KIAA1217: variants seen among roughly 807,000 people sequenced by gnomAD.
KIAA1217 encodes the protein sickle tail protein homolog.
A neutral mutation model predicts 163.9 loss-of-function variants in KIAA1217; 88 were observed. The observed-to-expected ratio is 0.54, with a 90% CI of 0.45 to 0.64. The LOEUF is 0.64. KIAA1217 is among the 30% of genes least tolerant of loss of function. KIAA1217 has a pLI of 0.00. For missense variants in KIAA1217, 2,372 were observed against 2,475.0 expected (o/e 0.96, Z 0.88); for synonymous variants, 903 against 923.1 (o/e 0.98, Z 0.39).
At chr10:24,353,016 T>A (rs1238178302) in intron 2 of KIAA1217, among the ~76,000 whole-genome samples, 3 of 151,864 alleles carry the variant, frequency 2.0e-5, no homozygotes, top group Admixed American at 6.6e-5. Context: ...AACGCTAGAA[T>A]GACCCCACAT....
chr10:23,912,721 A>G (rs80280670), intron 1 of KIAA1217, among the ~76,000 whole-genome samples: 8,251 of 152,226 alleles, frequency 0.054, 312 homozygotes, highest in Middle Eastern at 0.099. Flanking sequence ...TGTGTGTTTC[A>G]AAGGTAAAAT....
intron 2 of KIAA1217, among the ~76,000 whole-genome samples, chr10:24,058,941 T>G (rs2060621789): frequency 6.6e-6 from 1 of 152,182 alleles, no homozygotes; most frequent in African/African-American, 2.4e-5. Context: ...GTAAGAGTGA[T>G]CATTCTTGTC....
chr10:24,355,437 A>C (rs916347908), intron 2 of KIAA1217, among the ~76,000 whole-genome samples: 1 of 152,020 alleles, frequency 6.6e-6, no homozygotes, highest in Non-Finnish European at 1.5e-5. Context: ...TAGTTGGTAG[A>C]CCTCTGTCTT....
At chr10:24,251,196 A>T (rs1198603358) in intron 2 of KIAA1217, among the ~76,000 whole-genome samples, 1 of 152,096 alleles carries the variant, frequency 6.6e-6, no homozygotes, top group Non-Finnish European at 1.5e-5. Context: ...ACTGCACTCC[A>T]GCCTGGGCGA....
At chr10:24,478,452 G>A (rs1448825399) in intron 6 of KIAA1217, among the ~76,000 whole-genome samples, 1 of 152,156 alleles carries the variant, frequency 6.6e-6, no homozygotes, top group Non-Finnish European at 1.5e-5. Context: ...AGTGTCTATG[G>A]TATAACATTC....
At chr10:23,914,224 C>T (rs968873627) in intron 1 of KIAA1217, among the ~76,000 whole-genome samples, 22 of 152,308 alleles carry the variant, frequency 1.4e-4, no homozygotes, top group African/African-American at 4.6e-4. Context: ...AGGCAGAGTG[C>T]AGCTTACAAA....
intron 1 of KIAA1217, among the ~76,000 whole-genome samples, chr10:23,801,980 T>G (rs968065424): frequency 6.6e-6 from 1 of 152,208 alleles, no homozygotes; most frequent in Non-Finnish European, 1.5e-5. Flanking sequence ...AAAGTCCTTC[T>G]TCTAAATAGA....
intron 1 of KIAA1217, among the ~76,000 whole-genome samples, chr10:23,921,125 T>C (rs1465425343): frequency 6.6e-6 from 1 of 152,226 alleles, no homozygotes; most frequent in Non-Finnish European, 1.5e-5. Context: ...ACACAGCTTA[T>C]ATTAAACTTT....
intron 2 of KIAA1217, among the ~76,000 whole-genome samples, chr10:24,299,803 G>A (rs7350447): frequency 0.39 from 59,458 of 151,978 alleles, 13,095 homozygotes; most frequent in Middle Eastern, 0.56. Context: ...TGTGTCCTCT[G>A]TGGGTTCAGC....
intron 2 of KIAA1217, among the ~76,000 whole-genome samples, chr10:24,363,576 T>G (rs953540985): frequency 6.6e-6 from 1 of 151,212 alleles, no homozygotes; most frequent in Non-Finnish European, 1.5e-5. Flanking sequence ...TGTTTTTTTT[T>G]TTTTTTGAAA....
chr10:24,209,607 A>G (rs1327168856), intron 1 of KIAA1217, among the ~76,000 whole-genome samples: 1 of 152,166 alleles, frequency 6.6e-6, no homozygotes, highest in Non-Finnish European at 1.5e-5. Context: ...GCCACGGGAG[A>G]AAGGAGCTGT....
chr10:24,312,710 G>T (rs537056605), intron 2 of KIAA1217, among the ~76,000 whole-genome samples: 71 of 152,208 alleles, frequency 4.7e-4, no homozygotes, highest in African/African-American at 1.6e-3. Flanking sequence ...GAGTCCAGGA[G>T]TTCGAGACCA....
At chr10:23,796,119 T>C (rs2130944711) in intron 1 of KIAA1217, among the ~76,000 whole-genome samples, 1 of 152,270 alleles carries the variant, frequency 6.6e-6, no homozygotes, top group Middle Eastern at 3.4e-3. Flanking sequence ...TAAAGTGATC[T>C]CTGTCTTCTT....
intron 6 of KIAA1217, among the ~76,000 whole-genome samples, chr10:24,488,831 G>T (rs553316317): frequency 3.4e-4 from 51 of 152,214 alleles, no homozygotes; most frequent in African/African-American, 1.2e-3. Flanking sequence ...AATGCCTTCG[G>T]CACTGCCAAG....
chr10:23,860,257 G>A (rs182245398), intron 1 of KIAA1217, among the ~76,000 whole-genome samples: 7 of 151,466 alleles, frequency 4.6e-5, no homozygotes, highest in Admixed American at 4.0e-4. Context: ...TTATCTTGAC[G>A]CTAAACTCTA....
At chr10:24,511,682 T>G (rs1363232225) in intron 9 of KIAA1217, among the ~76,000 whole-genome samples, 1 of 152,156 alleles carries the variant, frequency 6.6e-6, no homozygotes, top group South Asian at 2.1e-4. Context: ...TGATGCCTTT[T>G]AGCAAAATAG....
intron 2 of KIAA1217, among the ~76,000 whole-genome samples, chr10:24,174,059 C>T (rs1335118577): frequency 6.6e-6 from 1 of 152,224 alleles, no homozygotes; most frequent in East Asian, 1.9e-4. Context: ...TCTGTGATGA[C>T]ACTGTCAAGT....
chr10:23,814,499 C>T (rs1361092248), intron 1 of KIAA1217, among the ~76,000 whole-genome samples: 1 of 152,166 alleles, frequency 6.6e-6, no homozygotes, highest in Non-Finnish European at 1.5e-5. Flanking sequence ...ACTCAGTATC[C>T]CTAACTGGAC....
intron 2 of KIAA1217, among the ~76,000 whole-genome samples, chr10:24,198,919 T>C (rs10764454): frequency 0.027 from 4,164 of 152,184 alleles, 164 homozygotes; most frequent in African/African-American, 0.085. Context: ...GGAGGCAATG[T>C]TCAGTATTAC....
Sources: gnomAD v4.1 joint callset for allele counts (sites outside exome capture counted in the v4.1 genomes callset) on GRCh38, gnomAD v4.1.1 for gene constraint, MANE v1.5 for transcripts, NCBI Gene and HGNC (gene_info 2026-07-23, HGNC 2026-07-21) for gene names.